PCSK1: variants seen among roughly 807,000 people sequenced by gnomAD.
PCSK1 encodes the protein neuroendocrine convertase 1.
In PCSK1, 56 loss-of-function variants were observed where a neutral mutation model predicts 90.6. The observed-to-expected ratio is 0.62, with a 90% CI of 0.50 to 0.77. The LOEUF (loss-of-function observed/expected upper bound fraction) is 0.77, where lower values mean the gene tolerates loss of function less well. PCSK1 is among the 30% of genes least tolerant of loss of function. The pLI, the probability that PCSK1 is intolerant of heterozygous loss-of-function variation, is 0.00. For missense variants in PCSK1, 801 were observed against 932.6 expected (o/e 0.86, Z 1.84); for synonymous variants, 348 against 342.4 (o/e 1.02, Z -0.18).
At chr5:96,412,699 G>A (rs917011330) in intron 6 of PCSK1, among the ~76,000 whole-genome samples, 29 of 145,588 alleles carry the variant, frequency 2.0e-4, no homozygotes, top group Non-Finnish European at 2.4e-4. Context: ...CTTTTTTGTC[G>A]CACTTTAGAG....
At chr5:96,413,448 A>ATGATATGAAAT (rs1301295555) in intron 6 of PCSK1, among the ~76,000 whole-genome samples, 1 of 152,234 alleles carries the variant, frequency 6.6e-6, no homozygotes, top group Admixed American at 6.5e-5. Context: ...CAAAGGTAAA[A>ATGATATGAAAT]TGATATGAAA....
intron 3 of PCSK1, 90 bp downstream of exon 3, chr5:96,425,730 A>C: frequency 7.8e-6 from 1 of 128,836 alleles, no homozygotes; most frequent in Non-Finnish European, 1.2e-5. Flanking sequence ...CTCCATCATA[A>C]AAAAAAAAAA....
Position 96,408,208 on chromosome 5 carries a change from C to T in PCSK1, c.1196+15G>A. 1.3e-6 allele frequency: 2 copies of T among 1,592,252 alleles called. No individual in the cohort carries two copies. The highest frequency in any genetic ancestry group is 1.7e-6 in the Non-Finnish European group (2 of 1,160,310). Reference sequence around the variant, plus strand: ...CAGCCTTTGTAAAGGTGATTAGAAGCTTTCTGGGCCTTACTTTGCTTCCAG... The same window carrying T: ...CAGCCTTTGTAAAGGTGATTAGAAGTTTTCTGGGCCTTACTTTGCTTCCAG... On this transcript the variant is annotated intron_variant, in intron 9 of 13. Coordinates refer to ENST00000311106, the MANE Select transcript of PCSK1 (RefSeq NM_000439.5).
At chr5:96,393,871 C>T (rs1410312178) in intron 13 of PCSK1, among the ~76,000 whole-genome samples, 1 of 152,176 alleles carries the variant, frequency 6.6e-6, no homozygotes, top group Non-Finnish European at 1.5e-5. Flanking sequence ...AGGGGAGAGA[C>T]TGAGGTGCTA....
intron 5 of PCSK1, 115 bp downstream of exon 5, chr5:96,421,765 G>A: frequency 1.3e-6 from 1 of 763,534 alleles, no homozygotes; most frequent in South Asian, 1.4e-5. Flanking sequence ...TATGGATGTT[G>A]TGCATTAACA....
intron 3 of PCSK1, among the ~76,000 whole-genome samples, chr5:96,424,198 A>G (rs1761213370): frequency 6.6e-6 from 1 of 152,208 alleles, no homozygotes; most frequent in African/African-American, 2.4e-5. Context: ...TAAGAAATCT[A>G]TAAATAACCA....
intron 9 of PCSK1, among the ~76,000 whole-genome samples, chr5:96,402,825 CAGAG>C (rs1286973202): frequency 5.3e-5 from 8 of 152,268 alleles, no homozygotes; most frequent in East Asian, 1.9e-4. Context: ...GAGTGACTGA[CAGAG>C]AGGCCTTGGA....
At chr5:96,428,957 G>GAT (rs1761402457) in intron 2 of PCSK1, among the ~76,000 whole-genome samples, 1 of 151,734 alleles carries the variant, frequency 6.6e-6, no homozygotes, top group African/African-American at 2.4e-5. Context: ...ATTAACTTTA[G>GAT]ATATATATGT....
chr5:96,418,574 C>T (rs962825887), intron 5 of PCSK1, among the ~76,000 whole-genome samples: 10 of 152,078 alleles, frequency 6.6e-5, no homozygotes, highest in South Asian at 2.1e-4. Flanking sequence ...ATCTCATTTA[C>T]GTGGTAATAA....
At chr5:96,394,129 C>T (rs1405907852) in intron 13 of PCSK1, among the ~76,000 whole-genome samples, 3 of 152,222 alleles carry the variant, frequency 2.0e-5, no homozygotes, top group Admixed American at 1.3e-4. Flanking sequence ...TCTTCCAAAA[C>T]ACCCAGCTCA....
chr5:96,425,044 G>GAAAGAAAGAAAGAAAA (rs1561376393), intron 3 of PCSK1, among the ~76,000 whole-genome samples: 16 of 127,182 alleles, frequency 1.3e-4, no homozygotes, highest in African/African-American at 4.4e-4. Context: ...AAGAAAGAAA[G>GAAAGAAAGAAAGAAAA]AAAGAAAGAA....
At chr5:96,425,127 G>A (rs186254964) in intron 3 of PCSK1, among the ~76,000 whole-genome samples, 1 of 152,224 alleles carries the variant, frequency 6.6e-6, no homozygotes, top group East Asian at 1.9e-4. Flanking sequence ...TGCAACAAGA[G>A]TATCAAAGTC....
chr5:96,431,036 C>G (rs546077141), intron 1 of PCSK1, among the ~76,000 whole-genome samples: 5 of 152,274 alleles, frequency 3.3e-5, no homozygotes, highest in African/African-American at 1.2e-4. Flanking sequence ...CAGTCTCCTC[C>G]TACACGGTTA....
intron 9 of PCSK1, among the ~76,000 whole-genome samples, chr5:96,403,658 C>T (rs2112407015): frequency 6.6e-6 from 1 of 152,268 alleles, no homozygotes; most frequent in African/African-American, 2.4e-5. Context: ...CCGAATTAAG[C>T]ATTGCTTCTA....
chr5:96,399,456 G>C (rs1760276323), intron 10 of PCSK1, among the ~76,000 whole-genome samples: 1 of 152,130 alleles, frequency 6.6e-6, no homozygotes, highest in Non-Finnish European at 1.5e-5. Context: ...TCTGTGACAA[G>C]ATGTGGTGTG....
In PCSK1 at chr5:96,408,288, C is replaced by T. The variant is rs200195073; in HGVS notation, c.1131G>A (p.Thr377=). 4.5e-5 allele frequency: 73 copies of T among 1,613,936 alleles called. 1 individual carries two copies. The East Asian group carries it at 7.6e-4, about 17-fold the overall frequency. The part of the protein sequence containing the change: ...SADLHNDCTE[T]HTGTSASAPL... Reference sequence around the variant, plus strand: ...GTGCAGAGGCCGAGGTGCCTGTGTGCGTCTCCGTGCAGTCATTGTGCAGGT... The same window carrying T: ...GTGCAGAGGCCGAGGTGCCTGTGTGTGTCTCCGTGCAGTCATTGTGCAGGT... Residue 377 remains threonine (T), a synonymous_variant, in exon 9 of 14, where the codon ACG becomes ACA. Transcript: ENST00000311106.
chr5:96,395,621 A>G (rs1760109893), intron 12 of PCSK1, among the ~76,000 whole-genome samples: 1 of 151,574 alleles, frequency 6.6e-6, no homozygotes, highest in Non-Finnish European at 1.5e-5. Flanking sequence ...GGAGGGGAAC[A>G]TCACACAATG....
chr5:96,395,687 T>C (rs1049978609), intron 12 of PCSK1, among the ~76,000 whole-genome samples: 2 of 152,124 alleles, frequency 1.3e-5, no homozygotes, highest in Admixed American at 6.5e-5. Flanking sequence ...AAATATCTAA[T>C]GTAGATGATG....
chr5:96,414,973 G>A (rs1001362932), intron 6 of PCSK1, among the ~76,000 whole-genome samples: 5 of 152,188 alleles, frequency 3.3e-5, no homozygotes, highest in Non-Finnish European at 7.3e-5. Context: ...CCAAATGCAA[G>A]GTATACTCAT....
Sources: allele counts gnomAD v4.1 joint callset (sites outside exome capture counted in the v4.1 genomes callset), GRCh38; gene constraint gnomAD v4.1.1; transcripts MANE v1.5; gene names NCBI Gene and HGNC (gene_info 2026-07-23, HGNC 2026-07-21).